RORB: variants seen among roughly 807,000 people sequenced by gnomAD.
RORB encodes the protein RAR related orphan receptor B.
A neutral mutation model predicts 59.1 loss-of-function variants in RORB; 6 were observed. The observed-to-expected ratio is 0.10, with a 90% CI of 0.06 to 0.20. RORB has a LOEUF of 0.20. Among genes scored for constraint, RORB ranks in the 10% least tolerant of loss-of-function variants. The probability of loss-of-function intolerance (pLI) is 1.00; values close to 1 mark genes in which losing one functional copy is unlikely to be tolerated. For synonymous variants in RORB, 215 were observed against 204.5 expected, an observed-to-expected ratio of 1.05 and a Z score of -0.44; for missense variants, 320 against 560.5, an observed-to-expected ratio of 0.57 and a Z score of 4.33.
intron 1 of RORB, among the ~76,000 whole-genome samples, chr9:74,535,605 T>C (rs1450590725): frequency 1.3e-5 from 2 of 152,020 alleles, no homozygotes; most frequent in Admixed American, 1.3e-4. Flanking sequence ...GTTTTGATAT[T>C]TGATATTTGC....
At chr9:74,613,274 G>A (rs1441282799) in intron 1 of RORB, among the ~76,000 whole-genome samples, 2 of 152,114 alleles carry the variant, frequency 1.3e-5, no homozygotes, top group Non-Finnish European at 2.9e-5. Flanking sequence ...AGTAGCCTGA[G>A]GTACAAATAG....
chr9:74,614,357 CT>C (rs1334170678), intron 1 of RORB, among the ~76,000 whole-genome samples: 1 of 151,950 alleles, frequency 6.6e-6, no homozygotes, highest in East Asian at 1.9e-4. Context: ...TCAAATATCA[CT>C]TTTTTAAATT....
At chr9:74,672,808 T>C (rs1824370179) in intron 9 of RORB, among the ~76,000 whole-genome samples, 1 of 152,212 alleles carries the variant, frequency 6.6e-6, no homozygotes, top group South Asian at 2.1e-4. Flanking sequence ...GGTAAGAAAT[T>C]AAGAAATTGA....
At chr9:74,510,003 A>G (rs1382270227) in intron 1 of RORB, among the ~76,000 whole-genome samples, 1 of 152,144 alleles carries the variant, frequency 6.6e-6, no homozygotes, top group East Asian at 1.9e-4. Flanking sequence ...GTTGATTTTT[A>G]TGCTTTCAAA....
At chr9:74,526,384 G>C (rs1192958109) in intron 1 of RORB, among the ~76,000 whole-genome samples, 1 of 151,800 alleles carries the variant, frequency 6.6e-6, no homozygotes, top group African/African-American at 2.4e-5. Flanking sequence ...CAACTGGGCA[G>C]TCAGCAGTAG....
chr9:74,588,364 A>G (rs917263327), intron 1 of RORB, among the ~76,000 whole-genome samples: 2 of 152,182 alleles, frequency 1.3e-5, no homozygotes, highest in Non-Finnish European at 2.9e-5. Flanking sequence ...TTCAGTAAAC[A>G]TATGGATATA....
At chr9:74,508,384 C>CT (rs1283189675) in intron 1 of RORB, among the ~76,000 whole-genome samples, 1 of 151,874 alleles carries the variant, frequency 6.6e-6, no homozygotes, top group African/African-American at 2.4e-5. Flanking sequence ...AGAAAGTGTT[C>CT]TTTTGCAATA....
chr9:74,631,453 C>T (rs968880554), intron 2 of RORB, among the ~76,000 whole-genome samples: 5 of 11,950 alleles, frequency 4.2e-4, no homozygotes. Context: ...GTAGTACAGT[C>T]ATAGAGTCTT....
At chr9:74,546,187 T>G in intron 1 of RORB, among the ~76,000 whole-genome samples, 1 of 152,120 alleles carries the variant, frequency 6.6e-6, no homozygotes, top group African/African-American at 2.4e-5. Flanking sequence ...ATGATTTGAT[T>G]TTAGATAGAG....
chr9:74,658,992 C>A (rs116065243), intron 4 of RORB, among the ~76,000 whole-genome samples: 1 of 152,244 alleles, frequency 6.6e-6, no homozygotes, highest in South Asian at 2.1e-4. Flanking sequence ...TTGAAAAACT[C>A]TTGAAATATC....
chr9:74,610,486 C>A (rs1823218223), intron 1 of RORB, among the ~76,000 whole-genome samples: 1 of 152,180 alleles, frequency 6.6e-6, no homozygotes, highest in Admixed American at 6.5e-5. Flanking sequence ...GGACTGAATG[C>A]TTTGCAGGAA....
At chr9:74,548,451 C>A (rs1035897383) in intron 1 of RORB, among the ~76,000 whole-genome samples, 3 of 152,168 alleles carry the variant, frequency 2.0e-5, no homozygotes, top group Non-Finnish European at 2.9e-5. Context: ...TGGAAATGAG[C>A]TTTCTGGTTA....
chr9:74,563,181 A>G (rs1396696989), intron 1 of RORB, among the ~76,000 whole-genome samples: 3 of 146,060 alleles, frequency 2.1e-5, no homozygotes, highest in African/African-American at 7.6e-5. Context: ...ATGTCTCTTC[A>G]GTCTTTTTTT....
At position 74,623,441 on chromosome 9, in the gene RORB, CT is replaced by C. The variant is rs35945048; in HGVS notation, c.8-6828del. Among the ~76,000 whole-genome samples the C allele has an allele frequency of 1.9e-3, 278 of 145,482 alleles. 2 individuals are homozygous for C. The highest frequency in any genetic ancestry group is 5.9e-3 in the African/African-American group (237 of 39,886). Reference sequence around the variant, plus strand: ...AATTAGTGGCCAGAGTTTTCTCTCTCTTTTTTTTTTTTTATTTTCTTCTAAT... The same window carrying C: ...AATTAGTGGCCAGAGTTTTCTCTCTCTTTTTTTTTTTTATTTTCTTCTAAT... On this transcript the variant is annotated intron_variant, in intron 1 of 9. Transcript: ENST00000376896.
Position 74,536,218 on chromosome 9 carries a change from A to G in RORB, c.7+38235A>G, listed in dbSNP as rs1472912981. Among the ~76,000 whole-genome samples the G allele has an allele frequency of 2.6e-5, 4 of 152,084 alleles. No individual in the cohort carries two copies. In the East Asian group the frequency reaches 7.8e-4, roughly 30 times the overall value. ...TTAAAAAAGAGAGGAGTCAGTTGCT[A>G]TACTTACTGTGCTAAAAAAGGGCGG... On this transcript the variant is annotated intron_variant, in intron 1 of 9. Coordinates refer to ENST00000376896, the MANE Select transcript of RORB (RefSeq NM_006914.4).
intron 1 of RORB, among the ~76,000 whole-genome samples, chr9:74,549,608 GAAAGGAAGGAAGGA>G (rs1826571006): frequency 2.2e-4 from 11 of 49,120 alleles, no homozygotes; most frequent in African/African-American, 1.1e-3. Flanking sequence ...AAGGAAGGAA[GAAAGGAAGGAAGGA>G]AGGAAGAAAG....
chr9:74,551,520 A>G (rs1826608904), intron 1 of RORB, among the ~76,000 whole-genome samples: 5 of 152,194 alleles, frequency 3.3e-5, no homozygotes, highest in Admixed American at 3.3e-4. Context: ...ATTTCAACAC[A>G]CTACTTAAAC....
intron 9 of RORB, among the ~76,000 whole-genome samples, chr9:74,672,171 G>T (rs1824357711): frequency 6.6e-6 from 1 of 152,144 alleles, no homozygotes; most frequent in African/African-American, 2.4e-5. Flanking sequence ...TTCATCAGAA[G>T]AACAAGCACT....
chr9:74,542,868 G>T (rs1241747147), intron 1 of RORB, among the ~76,000 whole-genome samples: 1 of 152,098 alleles, frequency 6.6e-6, no homozygotes, highest in Admixed American at 6.5e-5. Context: ...ATCAAGGTCT[G>T]GTCTTTGCAT....
Sources: gnomAD v4.1 joint callset for allele counts (sites outside exome capture counted in the v4.1 genomes callset) on GRCh38, gnomAD v4.1.1 for gene constraint, MANE v1.5 for transcripts, NCBI Gene and HGNC (gene_info 2026-07-23, HGNC 2026-07-21) for gene names.